The following ADGRV1 variants were observed in gnomAD, a reference collection of about 807,000 sequenced individuals.
ADGRV1 encodes the protein adhesion G protein-coupled receptor V1, also known as G-protein coupled receptor 98.
In ADGRV1, 359 loss-of-function variants were observed where a neutral mutation model predicts 596.2. That is an observed-to-expected ratio of 0.60 (90% confidence interval 0.55 to 0.66). The LOEUF is 0.66. Among genes scored for constraint, ADGRV1 ranks in the 30% least tolerant of loss-of-function variants. The pLI, the probability that ADGRV1 is intolerant of heterozygous loss-of-function variation, is 0.00. For synonymous variants in ADGRV1, 2,681 were observed against 2,679.2 expected (o/e 1.00, Z -0.02); for missense variants, 7,274 against 7,575.6 (o/e 0.96, Z 1.48).
At chr5:91,034,954 T>C (rs1784747489) in intron 85 of ADGRV1, among the ~76,000 whole-genome samples, 1 of 152,168 alleles carries the variant, frequency 6.6e-6, no homozygotes, top group African/African-American at 2.4e-5. Context: ...TATTTTTTTG[T>C]AGAGACAGGG....
chr5:90,563,766 A>G (rs1307974482), intron 1 of ADGRV1, among the ~76,000 whole-genome samples: 1 of 152,262 alleles, frequency 6.6e-6, no homozygotes, highest in Non-Finnish European at 1.5e-5. Context: ...GCTCTGAGGC[A>G]TATTGTGGAA....
chr5:90,767,875 A>C (rs1344474535), intron 59 of ADGRV1, among the ~76,000 whole-genome samples: 1 of 152,216 alleles, frequency 6.6e-6, no homozygotes, highest in Admixed American at 6.5e-5. Flanking sequence ...ATTAAATCTC[A>C]ATCAAGATGT....
intron 21 of ADGRV1, among the ~76,000 whole-genome samples, chr5:90,660,511 A>G (rs942749233): frequency 1.4e-5 from 2 of 147,160 alleles, no homozygotes; most frequent in Admixed American, 1.4e-4. Context: ...ATGTTGTTGC[A>G]ATGACATTGA....
chr5:90,909,882 AC>A (rs1355654049), intron 83 of ADGRV1, among the ~76,000 whole-genome samples: 1 of 152,234 alleles, frequency 6.6e-6, no homozygotes, highest in African/African-American at 2.4e-5. Flanking sequence ...AAACAAAAAA[AC>A]CAAACATTTA....
At chr5:90,704,815 A>G (rs947804591) in intron 36 of ADGRV1, among the ~76,000 whole-genome samples, 2 of 150,542 alleles carry the variant, frequency 1.3e-5, no homozygotes, top group Non-Finnish European at 3.0e-5. Context: ...AATCAAATTT[A>G]GTCTTTTTTT....
chr5:91,022,223 C>G (rs1263974548), intron 85 of ADGRV1, among the ~76,000 whole-genome samples: 1 of 152,024 alleles, frequency 6.6e-6, no homozygotes, highest in African/African-American at 2.4e-5. Context: ...GTAGCAGATT[C>G]TATCCAGTGT....
chr5:90,814,646 T>A (rs1762735528), intron 74 of ADGRV1, among the ~76,000 whole-genome samples: 1 of 152,136 alleles, frequency 6.6e-6, no homozygotes, highest in Non-Finnish European at 1.5e-5. Context: ...CCACCATATA[T>A]GACGTGCTTT....
chr5:91,095,092 A>T (rs1790737486), intron 86 of ADGRV1, among the ~76,000 whole-genome samples: 1 of 152,214 alleles, frequency 6.6e-6, no homozygotes, highest in Non-Finnish European at 1.5e-5. Flanking sequence ...ACTGCTGAAA[A>T]GACAAGGAAA....
intron 58 of ADGRV1, among the ~76,000 whole-genome samples, chr5:90,760,275 CAAAAAAA>C: frequency 1.3e-5 from 1 of 77,582 alleles, no homozygotes; most frequent in African/African-American, 5.0e-5. Flanking sequence ...GACTTCGTCT[CAAAAAAA>C]AAAAAAAAAA....
chr5:90,817,318 T>C (rs1762999501), intron 75 of ADGRV1, among the ~76,000 whole-genome samples: 1 of 151,606 alleles, frequency 6.6e-6, no homozygotes, highest in African/African-American at 2.4e-5. Context: ...TATTAGCCCT[T>C]TGTCAGATGA....
intron 83 of ADGRV1, among the ~76,000 whole-genome samples, chr5:90,881,745 T>A (rs974127928): frequency 6.6e-6 from 1 of 151,984 alleles, no homozygotes; most frequent in African/African-American, 2.4e-5. Flanking sequence ...AAAAAAAAAA[T>A]ACAAGATCTT....
At chr5:90,812,021 C>T (rs60526684) in intron 74 of ADGRV1, among the ~76,000 whole-genome samples, 2,051 of 151,424 alleles carry the variant, frequency 0.014, 16 homozygotes, top group Middle Eastern at 0.055. Flanking sequence ...CTCTGCCTCC[C>T]GGGTTCAAGC....
At chr5:90,690,107 C>G in intron 30 of ADGRV1, 31 bp downstream of exon 30, 3 of 1,209,764 alleles carry the variant, frequency 2.5e-6, no homozygotes, top group Non-Finnish European at 3.6e-6. Context: ...CTCTCTTTGA[C>G]TTGTCTGCAT....
chr5:90,895,173 T>C (rs1475318861), intron 83 of ADGRV1, among the ~76,000 whole-genome samples: 1 of 152,122 alleles, frequency 6.6e-6, no homozygotes, highest in Non-Finnish European at 1.5e-5. Context: ...CAAGTGATCC[T>C]CATGCCTTAC....
At chr5:90,977,582 A>G (rs188449195) in intron 84 of ADGRV1, among the ~76,000 whole-genome samples, 13 of 152,332 alleles carry the variant, frequency 8.5e-5, no homozygotes, top group African/African-American at 2.2e-4. Context: ...AAGCGAATGA[A>G]TGTGTGTTTA....
At chr5:90,819,146 G>C (rs1211598950) in intron 75 of ADGRV1, among the ~76,000 whole-genome samples, 1 of 151,752 alleles carries the variant, frequency 6.6e-6, no homozygotes, top group Non-Finnish European at 1.5e-5. Context: ...AGTCTTGGGA[G>C]AGTGTATGTG....
At chr5:90,706,646 T>C (rs1328130920) in intron 38 of ADGRV1, among the ~76,000 whole-genome samples, 1 of 151,764 alleles carries the variant, frequency 6.6e-6, no homozygotes, top group African/African-American at 2.4e-5. Context: ...AGTGGTAACA[T>C]TTAGTAAGAC....
In ADGRV1 at chr5:91,063,439, A is replaced by G. The variant is rs915345048; in HGVS notation, c.18153-9008A>G. Among the ~76,000 whole-genome samples the G allele has an allele frequency of 2.0e-5, 3 of 152,106 alleles. No homozygotes were observed. In the East Asian group the frequency reaches 5.8e-4, roughly 29 times the overall value. On this transcript the variant is annotated intron_variant, in intron 85 of 89. Transcript: ENST00000405460. The stretch of plus-strand genomic sequence containing the variant: ...GACATAATTCTATTCATAGCATTCT[A>G]TTTTTAGTAGTGGTATTTTCATTTA...
In ADGRV1 at chr5:90,742,824, A is replaced by T. The variant is rs1580966214; in HGVS notation, c.10550-2222A>T. The stretch of plus-strand genomic sequence containing the variant: ...ACAAGTAAAACCACGGGGGTTGGTG[A>T]TAGATTAGATACGGAGGGAGACAAG... On this transcript the variant is annotated intron_variant, in intron 50 of 89. Coordinates refer to ENST00000405460, the MANE Select transcript of ADGRV1 (RefSeq NM_032119.4). 2.0e-5 allele frequency among the ~76,000 whole-genome samples: 3 copies of T among 152,326 alleles called. No individual in the cohort carries two copies. In the South Asian group the frequency reaches 6.2e-4, roughly 32 times the overall value.
Sources: allele counts gnomAD v4.1 joint callset (sites outside exome capture counted in the v4.1 genomes callset), GRCh38; gene constraint gnomAD v4.1.1; transcripts MANE v1.5; gene names NCBI Gene and HGNC (gene_info 2026-07-23, HGNC 2026-07-21).